Variants in EXOC6B observed in about 807,000 individuals in gnomAD.
EXOC6B encodes the protein exocyst complex component 6B, also known as SEC15 homolog B.
EXOC6B carries 54 observed loss-of-function variants against 113.5 expected under a neutral mutation model. The ratio of observed to expected loss-of-function variants is 0.48; its 90% confidence interval spans 0.38 to 0.60. The LOEUF (loss-of-function observed/expected upper bound fraction) is 0.60. EXOC6B is among the 20% of genes least tolerant of loss of function. EXOC6B has a pLI of 0.00. For synonymous variants in EXOC6B, 357 were observed against 339.0 expected, an observed-to-expected ratio of 1.05 and a Z score of -0.58; for missense variants, 797 against 977.5, an observed-to-expected ratio of 0.82 and a Z score of 2.46.
intron 8 of EXOC6B, among the ~76,000 whole-genome samples, chr2:72,539,760 G>A (rs192481634): frequency 2.2e-4 from 34 of 151,850 alleles, no homozygotes; most frequent in Non-Finnish European, 3.1e-4. Context: ...GCGCGCGCGC[G>A]CGCGTGTGTG....
Position 72,612,307 on chromosome 2 carries a change from C to T in EXOC6B, c.670-36639G>A, listed in dbSNP as rs116272275. On this transcript the variant is annotated intron_variant, in intron 6 of 21. Transcript: ENST00000272427. ...AAAAGAAAAAATCATCTTGGTGCAC[C>T]AAGTATGATAAACACTACTGTGCCT... Among the ~76,000 whole-genome samples the T allele has an allele frequency of 5.9e-3, 893 of 152,002 alleles. 12 individuals carry two copies. Among genetic ancestry groups the T allele is most frequent in the African/African-American group, 0.02 (831 of 41,466 alleles).
intron 6 of EXOC6B, among the ~76,000 whole-genome samples, chr2:72,717,008 A>G (rs1304119067): frequency 1.3e-5 from 2 of 152,200 alleles, no homozygotes; most frequent in African/African-American, 2.4e-5. Context: ...AGCAATGCTA[A>G]GGTATATTGT....
intron 1 of EXOC6B, among the ~76,000 whole-genome samples, chr2:72,787,658 T>C (rs920454015): frequency 2.0e-5 from 3 of 152,164 alleles, no homozygotes; most frequent in African/African-American, 7.2e-5. Flanking sequence ...CTAATTTCTT[T>C]GTTTGTTTGT....
intron 18 of EXOC6B, among the ~76,000 whole-genome samples, chr2:72,401,404 G>C (rs572789234): frequency 6.9e-4 from 100 of 145,534 alleles, no homozygotes; most frequent in Middle Eastern, 7.2e-3. Context: ...GGAGGTTGCA[G>C]TGAGCCGAGA....
chr2:72,469,622 G>A (rs1698272034), intron 17 of EXOC6B, among the ~76,000 whole-genome samples: 1 of 151,822 alleles, frequency 6.6e-6, no homozygotes, highest in East Asian at 1.9e-4. Flanking sequence ...TTCTGGTTTA[G>A]TTTCACATGG....
intron 20 of EXOC6B, among the ~76,000 whole-genome samples, chr2:72,246,548 C>T (rs1487060484): frequency 6.9e-6 from 1 of 145,088 alleles, no homozygotes; most frequent in Non-Finnish European, 1.5e-5. Flanking sequence ...TGCGCTGTTG[C>T]CCAGCCTGGA....
intron 8 of EXOC6B, among the ~76,000 whole-genome samples, chr2:72,542,977 A>C (rs556959668): frequency 1.9e-4 from 29 of 152,176 alleles, no homozygotes; most frequent in Non-Finnish European, 4.1e-4. Flanking sequence ...CATCTGAGTT[A>C]AGGGAGAAAA....
At chr2:72,295,185 C>T (rs187370377) in intron 20 of EXOC6B, among the ~76,000 whole-genome samples, 10 of 146,274 alleles carry the variant, frequency 6.8e-5, no homozygotes, top group East Asian at 2.0e-4. Context: ...GAGCCGAGAT[C>T]GCACCACTAC....
Position 72,788,390 on chromosome 2 carries a change from T to C in EXOC6B, c.113+37408A>G, listed in dbSNP as rs1434875613. ...AACAACACAGCATCAGTGTTTCAATTAGCAACATTCTGGAAAGTGGGGTTC... is the reference window on the plus strand; with the variant it reads ...AACAACACAGCATCAGTGTTTCAATCAGCAACATTCTGGAAAGTGGGGTTC... On this transcript the variant is annotated intron_variant, in intron 1 of 21. Transcript: ENST00000272427. Among the ~76,000 whole-genome samples, 3 of 152,210 alleles carry C rather than the reference T, an allele frequency of 2.0e-5. No homozygotes were observed. In the East Asian group the frequency reaches 5.8e-4, roughly 29 times the overall value.
chr2:72,724,463 G>A (rs1276344622), intron 5 of EXOC6B, among the ~76,000 whole-genome samples: 5 of 151,754 alleles, frequency 3.3e-5, no homozygotes, highest in Non-Finnish European at 7.4e-5. Context: ...CTCACCATTC[G>A]CTAAAACAAA....
intron 19 of EXOC6B, among the ~76,000 whole-genome samples, chr2:72,350,084 C>T (rs1689564888): frequency 6.6e-6 from 1 of 152,006 alleles, no homozygotes. Flanking sequence ...CATATATGTC[C>T]CAGCAGAAGT....
At chr2:72,372,098 G>A (rs116212028) in intron 19 of EXOC6B, among the ~76,000 whole-genome samples, 1 of 152,060 alleles carries the variant, frequency 6.6e-6, no homozygotes, top group Non-Finnish European at 1.5e-5. Context: ...TAAATACCTA[G>A]GAATTTACTT....
intron 11 of EXOC6B, among the ~76,000 whole-genome samples, chr2:72,509,373 C>T (rs1317619333): frequency 6.6e-6 from 1 of 152,050 alleles, no homozygotes; most frequent in South Asian, 2.1e-4. Flanking sequence ...TAGATTATCA[C>T]AATGATGTTA....
intron 1 of EXOC6B, among the ~76,000 whole-genome samples, chr2:72,757,601 T>C (rs1409393725): frequency 1.3e-5 from 2 of 152,202 alleles, no homozygotes; most frequent in Non-Finnish European, 2.9e-5. Flanking sequence ...TTGTCCCAGT[T>C]TTCCTCATGT....
At chr2:72,617,648 G>C (rs2104149503) in intron 6 of EXOC6B, among the ~76,000 whole-genome samples, 1 of 144,130 alleles carries the variant, frequency 6.9e-6, no homozygotes, top group African/African-American at 2.6e-5. Context: ...TCCACCTCCA[G>C]ATTACAGGTG....
intron 18 of EXOC6B, among the ~76,000 whole-genome samples, chr2:72,417,881 T>C (rs1373243067): frequency 1.3e-5 from 2 of 152,188 alleles, no homozygotes; most frequent in Non-Finnish European, 2.9e-5. Flanking sequence ...TTATTTTATA[T>C]ATTTTTATCT....
At chr2:72,312,957 C>A (rs1205634662) in intron 20 of EXOC6B, among the ~76,000 whole-genome samples, 1 of 152,048 alleles carries the variant, frequency 6.6e-6, no homozygotes, top group Admixed American at 6.6e-5. Context: ...CTTTAATGTT[C>A]CAAATTCTGA....
At chr2:72,729,051 G>C (rs1163689039) in intron 5 of EXOC6B, among the ~76,000 whole-genome samples, 3 of 152,074 alleles carry the variant, frequency 2.0e-5, no homozygotes, top group Non-Finnish European at 2.9e-5. Flanking sequence ...CGCATAGTAG[G>C]TACTCGATTC....
chr2:72,254,369 T>C (rs955815144), intron 20 of EXOC6B, among the ~76,000 whole-genome samples: 6 of 152,162 alleles, frequency 3.9e-5, no homozygotes, highest in African/African-American at 7.2e-5. Flanking sequence ...CAAGGAATTC[T>C]AAAAACCATT....
Sources: allele counts gnomAD v4.1 joint callset (sites outside exome capture counted in the v4.1 genomes callset), GRCh38; gene constraint gnomAD v4.1.1; transcripts MANE v1.5; gene names NCBI Gene and HGNC (gene_info 2026-07-23, HGNC 2026-07-21).